PHACTR1: variants seen among roughly 807,000 people sequenced by gnomAD.
PHACTR1 encodes phosphatase and actin regulator 1.
Under a neutral mutation model 69.2 loss-of-function variants are expected in PHACTR1, and 16 were observed. The observed-to-expected ratio is 0.23, with a 90% confidence interval of 0.16 to 0.35. PHACTR1 has a LOEUF of 0.35. PHACTR1 is among the 10% of genes least tolerant of loss of function. PHACTR1 has a pLI of 1.00. For missense variants in PHACTR1, 510 were observed against 734.7 expected (o/e 0.69, Z 3.54); for synonymous variants, 312 against 284.5 (o/e 1.10, Z -0.97).
intron 4 of PHACTR1, among the ~76,000 whole-genome samples, chr6:12,909,057 A>G (rs1285735459): frequency 6.6e-6 from 1 of 152,214 alleles, no homozygotes; most frequent in Non-Finnish European, 1.5e-5. Flanking sequence ...TGGAGAGGCA[A>G]GGTGAGGACC....
chr6:12,838,338 G>A (rs529161964), intron 4 of PHACTR1, among the ~76,000 whole-genome samples: 1 of 152,226 alleles, frequency 6.6e-6, no homozygotes, highest in Admixed American at 6.5e-5. Flanking sequence ...CTGTGTCTGT[G>A]TTTAATGCCA....
chr6:12,920,159 G>T (rs1459014989), intron 4 of PHACTR1, among the ~76,000 whole-genome samples: 1 of 152,202 alleles, frequency 6.6e-6, no homozygotes, highest in African/African-American at 2.4e-5. Context: ...CAAATTTGCT[G>T]AAAGTTTCCA....
chr6:13,287,584 T>C lies in PHACTR1; in HGVS notation c.*506T>C, dbSNP rs1403383289. 6.5e-6 allele frequency: 1 copy of C among 153,700 alleles called. No individual in the cohort carries two copies. Among genetic ancestry groups the C allele is most frequent in the Non-Finnish European group, 1.4e-5 (1 of 69,048 alleles). 9.5% of individuals were successfully genotyped at this position (153,700 alleles called of 1,614,324 possible). On this transcript the variant is annotated 3_prime_UTR_variant, in exon 15 of 15. Coordinates refer to ENST00000332995, the MANE Select transcript of PHACTR1 (RefSeq NM_030948.6). ...GACATGACATTTGGTTTGGGGGCCCTTTGAAGTTGATGCCAAGAAGGAGTG... is the reference window on the plus strand; with the variant it reads ...GACATGACATTTGGTTTGGGGGCCCCTTGAAGTTGATGCCAAGAAGGAGTG...
At chr6:12,745,113 T>A (rs1304343258) in intron 3 of PHACTR1, among the ~76,000 whole-genome samples, 1 of 152,184 alleles carries the variant, frequency 6.6e-6, no homozygotes, top group African/African-American at 2.4e-5. Flanking sequence ...TTTTGAGTAA[T>A]ATTTTTAAAG....
intron 4 of PHACTR1, among the ~76,000 whole-genome samples, chr6:12,755,766 CT>C (rs1443257088): frequency 1.3e-5 from 2 of 152,152 alleles, no homozygotes; most frequent in East Asian, 3.8e-4. Flanking sequence ...CATTTCAAGT[CT>C]TTTAACCTGT....
At chr6:12,757,831 G>A (rs1424973501) in intron 4 of PHACTR1, among the ~76,000 whole-genome samples, 1 of 152,092 alleles carries the variant, frequency 6.6e-6, no homozygotes, top group Non-Finnish European at 1.5e-5. Context: ...AGCAGTTATG[G>A]CCAGGTGTGG....
chr6:12,941,261 G>T (rs141719476), intron 4 of PHACTR1, among the ~76,000 whole-genome samples: 25 of 152,118 alleles, frequency 1.6e-4, no homozygotes, highest in Admixed American at 1.6e-3. Context: ...CCTCAGAGTC[G>T]TAGCAAATTA....
chr6:13,287,348 C>G lies in PHACTR1; in HGVS notation c.*270C>G. The G allele has an allele frequency of 2.0e-6, 1 of 503,620 alleles. No individual in the cohort carries two copies. Among genetic ancestry groups the G allele is most frequent in the Non-Finnish European group, 3.5e-6 (1 of 283,880 alleles). 31.2% of individuals were successfully genotyped at this position (503,620 alleles called of 1,614,324 possible). A position where few individuals can be genotyped will look rare whatever the true frequency, so the allele number is the denominator to read the frequency against. On this transcript the variant is annotated 3_prime_UTR_variant, in exon 15 of 15. Coordinates refer to ENST00000332995, the MANE Select transcript of PHACTR1 (RefSeq NM_030948.6). ...GCCAAGGGCACCAGCAGGGCCCTGA[C>G]TGAAGACTGTCTGGCAGGTGGAACG...
chr6:13,037,948 G>T (rs550601577), intron 4 of PHACTR1, among the ~76,000 whole-genome samples: 1 of 152,150 alleles, frequency 6.6e-6, no homozygotes, highest in African/African-American at 2.4e-5. Context: ...AGGACAACTC[G>T]TTGGTTTCTC....
intron 4 of PHACTR1, among the ~76,000 whole-genome samples, chr6:13,034,069 T>G (rs1251731072): frequency 6.6e-6 from 1 of 151,806 alleles, no homozygotes; most frequent in Non-Finnish European, 1.5e-5. Context: ...ATGCTTGGAG[T>G]GCAGTGGCGC....
At chr6:12,885,679 G>GA (rs1783567158) in intron 4 of PHACTR1, among the ~76,000 whole-genome samples, 1 of 152,130 alleles carries the variant, frequency 6.6e-6, no homozygotes, top group Non-Finnish European at 1.5e-5. Flanking sequence ...TTTATTCCTA[G>GA]AAAAAATACT....
intron 5 of PHACTR1, among the ~76,000 whole-genome samples, chr6:13,106,199 A>C (rs1164304908): frequency 6.6e-6 from 1 of 152,172 alleles, no homozygotes; most frequent in East Asian, 1.9e-4. Flanking sequence ...CATTGTTTTT[A>C]GGATATTCTA....
intron 4 of PHACTR1, among the ~76,000 whole-genome samples, chr6:12,970,670 C>T (rs1056446284): frequency 3.3e-5 from 5 of 152,202 alleles, no homozygotes; most frequent in African/African-American, 1.2e-4. Context: ...GCACGAGCAT[C>T]GTTTGAACGC....
chr6:12,797,040 T>TGTGTGTGTGTGTGA (rs563796658), intron 4 of PHACTR1, among the ~76,000 whole-genome samples: 10 of 133,318 alleles, frequency 7.5e-5, no homozygotes, highest in Admixed American at 4.7e-4. Flanking sequence ...TGTGTGTGTG[T>TGTGTGTGTGTGTGA]GAGAGAGAGA....
intron 10 of PHACTR1, among the ~76,000 whole-genome samples, chr6:13,268,645 C>G (rs892601288): frequency 2.6e-5 from 4 of 152,218 alleles, no homozygotes; most frequent in African/African-American, 4.8e-5. Flanking sequence ...GATACCTTGT[C>G]TGAGGTAAAT....
chr6:12,850,334 C>T (rs1363283003), intron 4 of PHACTR1, among the ~76,000 whole-genome samples: 2 of 152,282 alleles, frequency 1.3e-5, no homozygotes, highest in African/African-American at 4.8e-5. Context: ...TGCACTCTTG[C>T]CCATCAGGCC....
At chr6:12,796,038 T>C (rs1208734807) in intron 4 of PHACTR1, among the ~76,000 whole-genome samples, 1 of 152,236 alleles carries the variant, frequency 6.6e-6, no homozygotes, top group Admixed American at 6.5e-5. Flanking sequence ...TGTAGCATAC[T>C]GAAACTTTGC....
intron 4 of PHACTR1, among the ~76,000 whole-genome samples, chr6:12,812,276 C>G (rs561264833): frequency 6.6e-6 from 1 of 152,300 alleles, no homozygotes; most frequent in East Asian, 1.9e-4. Context: ...TCTGGCTTCT[C>G]TCACTTAGCA....
chr6:13,131,306 T>A (rs1820434871), intron 5 of PHACTR1, among the ~76,000 whole-genome samples: 1 of 151,876 alleles, frequency 6.6e-6, no homozygotes, highest in Admixed American at 6.6e-5. Context: ...ATTACCTGGA[T>A]GGAGTTGGAG....
Sources: allele counts gnomAD v4.1 joint callset (sites outside exome capture counted in the v4.1 genomes callset), GRCh38; gene constraint gnomAD v4.1.1; transcripts MANE v1.5; gene names NCBI Gene and HGNC (gene_info 2026-07-23, HGNC 2026-07-21).